Variants in COG5 observed in about 807,000 individuals in gnomAD.
COG5 encodes component of oligomeric golgi complex 5.
A neutral mutation model predicts 110.4 loss-of-function variants in COG5; 86 were observed. The ratio of observed to expected loss-of-function variants is 0.78; its 90% CI spans 0.65 to 0.93. The LOEUF is 0.93. COG5 is among the 40% of genes least tolerant of loss of function. The probability of loss-of-function intolerance (pLI) is 0.00; values close to 1 mark genes in which losing one functional copy is unlikely to be tolerated. For missense variants in COG5, 1,077 were observed against 987.0 expected (o/e 1.09, Z -1.22); for synonymous variants, 360 against 334.6 (o/e 1.08, Z -0.83).
intron 10 of COG5, among the ~76,000 whole-genome samples, chr7:107,361,286 G>A (rs1038986289): frequency 5.9e-5 from 9 of 152,190 alleles, no homozygotes; most frequent in Non-Finnish European, 1.3e-4. Context: ...ATTGGTGGAA[G>A]ACAGAAAGAT....
intron 17 of COG5, among the ~76,000 whole-genome samples, chr7:107,238,385 T>C (rs184233174): frequency 7.6e-4 from 116 of 152,330 alleles, no homozygotes; most frequent in African/African-American, 2.7e-3. Context: ...TCTTTATCCA[T>C]TTATCAATCT....
intron 10 of COG5, among the ~76,000 whole-genome samples, chr7:107,336,984 A>G (rs1810754372): frequency 6.6e-6 from 1 of 152,194 alleles, no homozygotes; most frequent in African/African-American, 2.4e-5. Context: ...AAAAGTGGGC[A>G]AAGGACTGGA....
chr7:107,225,936 G>C (rs899346563), intron 19 of COG5, among the ~76,000 whole-genome samples: 1 of 152,046 alleles, frequency 6.6e-6, no homozygotes, highest in East Asian at 1.9e-4. Context: ...CCAGCTATTC[G>C]GGAGGCTGAT....
chr7:107,362,043 T>C lies in COG5; in HGVS notation c.1016A>G (p.Glu339Gly). Residue 339 changes from glutamate to glycine, a missense_variant, in exon 10 of 22, where the codon GAA (glutamate) becomes GGA (glycine). Coordinates refer to ENST00000297135, the MANE Select transcript of COG5 (RefSeq NM_006348.5). Reference protein sequence around the residue: ...DPVSHICFIEEIVKDGQPEIF... With the variant: ...DPVSHICFIEGIVKDGQPEIF... Reference sequence around the variant, plus strand: ...TTCCTTTAAACATACCTTAACTATTTCTTCAATGAAACAAATGTGAGAAAC... The same window carrying C: ...TTCCTTTAAACATACCTTAACTATTCCTTCAATGAAACAAATGTGAGAAAC... 1 of 1,600,272 alleles carries C rather than the reference T, an allele frequency of 6.2e-7. No homozygotes were observed. The highest frequency in any genetic ancestry group is 1.1e-5 in the South Asian group (1 of 90,036).
chr7:107,303,360 G>C (rs552816145), intron 11 of COG5, among the ~76,000 whole-genome samples: 1 of 152,196 alleles, frequency 6.6e-6, no homozygotes, highest in South Asian at 2.1e-4. Flanking sequence ...AGTTACTTAA[G>C]TCAATTATAT....
intron 6 of COG5, among the ~76,000 whole-genome samples, chr7:107,463,684 C>T (rs1796137287): frequency 6.6e-6 from 1 of 152,132 alleles, no homozygotes; most frequent in Non-Finnish European, 1.5e-5. Context: ...TTAACATATG[C>T]ACAAAAGGGA....
chr7:107,443,693 A>C (rs1794852078), intron 6 of COG5, among the ~76,000 whole-genome samples: 1 of 152,098 alleles, frequency 6.6e-6, no homozygotes, highest in Non-Finnish European at 1.5e-5. Flanking sequence ...TCCTAGTCTT[A>C]ATTTATGGTG....
chr7:107,300,659 G>A (rs1807180357), intron 11 of COG5, among the ~76,000 whole-genome samples: 1 of 152,104 alleles, frequency 6.6e-6, no homozygotes, highest in Admixed American at 6.6e-5. Flanking sequence ...AAACAATGCT[G>A]AGATGAAGAA....
chr7:107,561,193 T>C (rs779203963), intron 1 of COG5, among the ~76,000 whole-genome samples: 1 of 152,246 alleles, frequency 6.6e-6, no homozygotes, highest in African/African-American at 2.4e-5. Context: ...TTCTCTTTTA[T>C]AGTTTCCTCA....
At chr7:107,304,152 T>C (rs556830623) in intron 11 of COG5, among the ~76,000 whole-genome samples, 7 of 152,214 alleles carry the variant, frequency 4.6e-5, no homozygotes, top group Admixed American at 1.3e-4. Context: ...CTTTGTCTTC[T>C]TGAATTCACT....
chr7:107,294,831 T>G (rs1278759524), intron 12 of COG5, among the ~76,000 whole-genome samples: 1 of 140,058 alleles, frequency 7.1e-6, no homozygotes. Context: ...TTTTCCTGCC[T>G]CAGCCTTCTG....
rs117546409 is a variant in COG5, at chr7:107,330,938, T to C, written c.1027-6417A>G. On this transcript the variant is annotated intron_variant, in intron 10 of 21. Transcript: ENST00000297135. ...TCCGGGTTCAAGCGATTCTCCTGTCTAGGCCTCCTGAGTAGTTGGGACTAC... is the reference window on the plus strand; with the variant it reads ...TCCGGGTTCAAGCGATTCTCCTGTCCAGGCCTCCTGAGTAGTTGGGACTAC... 6.6e-5 allele frequency among the ~76,000 whole-genome samples: 10 copies of C among 151,942 alleles called. No homozygotes were observed. The East Asian group carries it at 1.2e-3, about 18-fold the overall frequency.
intron 14 of COG5, among the ~76,000 whole-genome samples, chr7:107,265,846 G>C (rs1364065217): frequency 6.6e-6 from 1 of 152,078 alleles, no homozygotes; most frequent in Non-Finnish European, 1.5e-5. Flanking sequence ...CTTGAGCTCA[G>C]AAGTTTGAGA....
intron 16 of COG5, among the ~76,000 whole-genome samples, chr7:107,256,174 A>G (rs527875803): frequency 6.6e-6 from 1 of 152,296 alleles, no homozygotes; most frequent in South Asian, 2.1e-4. Flanking sequence ...TATAGAAAAA[A>G]TGAGAATATA....
intron 10 of COG5, among the ~76,000 whole-genome samples, chr7:107,327,099 A>G (rs1177576149): frequency 6.6e-6 from 1 of 152,156 alleles, no homozygotes; most frequent in Non-Finnish European, 1.5e-5. Context: ...ATAAAGACAG[A>G]CATAGGGACC....
At chr7:107,443,399 G>A (rs1242368766) in intron 6 of COG5, among the ~76,000 whole-genome samples, 1 of 152,100 alleles carries the variant, frequency 6.6e-6, no homozygotes, top group Admixed American at 6.5e-5. Flanking sequence ...GGTATGAAGT[G>A]GTTTCGGGGA....
At chr7:107,224,732 T>A (rs554394560) in intron 19 of COG5, among the ~76,000 whole-genome samples, 1 of 152,348 alleles carries the variant, frequency 6.6e-6, no homozygotes, top group Admixed American at 6.5e-5. Flanking sequence ...TAGGGAATAA[T>A]GCCATGCTGC....
intron 19 of COG5, 138 bp downstream of exon 19, chr7:107,230,477 T>C (rs1800697789): frequency 2.7e-6 from 2 of 749,404 alleles, no homozygotes; most frequent in African/African-American, 1.7e-5. Context: ...TTGAATACTT[T>C]CTAAGATGAA....
At position 107,346,579 on chromosome 7, in the gene COG5, G is replaced by A. The variant is rs139501796; in HGVS notation, c.1026+15454C>T. Among the ~76,000 whole-genome samples the A allele has an allele frequency of 1.9e-3, 284 of 152,138 alleles. 2 individuals carry two copies. The highest frequency in any genetic ancestry group is 6.0e-3 in the African/African-American group (251 of 41,528). Reference sequence around the variant, plus strand: ...TAGGAAATAAAGAGAAAAACCAAACGAGAAAATAATTGGAGCCAACTTTAA... The same window carrying A: ...TAGGAAATAAAGAGAAAAACCAAACAAGAAAATAATTGGAGCCAACTTTAA... On this transcript the variant is annotated intron_variant, in intron 10 of 21. Transcript: ENST00000297135.
Sources: allele counts gnomAD v4.1 joint callset (sites outside exome capture counted in the v4.1 genomes callset), GRCh38; gene constraint gnomAD v4.1.1; transcripts MANE v1.5; gene names NCBI Gene and HGNC (gene_info 2026-07-23, HGNC 2026-07-21).